MAB21L1: variants seen among roughly 807,000 people sequenced by gnomAD.
MAB21L1 encodes the protein mab-21 like 1.
MAB21L1 carries 8 observed loss-of-function variants against 28.9 expected under a neutral mutation model. That is an observed-to-expected ratio of 0.28 (90% CI 0.16 to 0.50). The LOEUF is 0.50. MAB21L1 is among the 20% of genes least tolerant of loss of function. The probability of loss-of-function intolerance (pLI) is 0.98; values close to 1 mark genes in which losing one functional copy is unlikely to be tolerated. For missense variants in MAB21L1, 388 were observed against 466.5 expected, an observed-to-expected ratio of 0.83 and a Z score of 1.55; for synonymous variants, 219 against 198.2, an observed-to-expected ratio of 1.10 and a Z score of -0.88.
In MAB21L1 at chr13:35,475,176, T is replaced by C. The variant is rs1324798623; in HGVS notation, c.963A>G (p.Leu321=). 2 of 1,613,798 alleles carry C rather than the reference T, an allele frequency of 1.2e-6. No homozygotes were observed. The highest frequency in any genetic ancestry group is 1.3e-5 in the African/African-American group (1 of 74,814). Residue 321 remains leucine (L), a synonymous_variant, in exon 1 of 1, where the codon CTA becomes CTG. Coordinates refer to ENST00000379919, the MANE Select transcript of MAB21L1 (RefSeq NM_005584.5). ...LQCRRCPHYF[L]PNLDLFQGKP... ...TGCCTTGAAACAGATCTAAGTTCGG[T>C]AGAAAGTAGTGGGGACACCGCCGGC...
chr13:35,474,380 C>T lies in MAB21L1; in HGVS notation c.*679G>A, dbSNP rs1427517395. On this transcript the variant is annotated 3_prime_UTR_variant, in exon 1 of 1. Transcript: ENST00000379919. ...AATTTCTTTGAATATATTTAAATAA[C>T]ATTTCAAGTATATTTATGGAATGTT... The T allele has an allele frequency of 6.6e-6, 1 of 152,494 alleles. No individual in the cohort carries two copies. The highest frequency in any genetic ancestry group is 2.4e-5 in the African/African-American group (1 of 41,414). 9.4% of individuals were successfully genotyped at this position (152,494 alleles called of 1,614,324 possible).
rs573111798 is a variant in MAB21L1, at chr13:35,476,432, C to T, written c.-294G>A. Reference sequence around the variant, plus strand: ...CCTCCCCCCTCTGCTTGTCTCTCTTCCTCTTTTAAAGAATCCTTGTGTGAG... The same window carrying T: ...CCTCCCCCCTCTGCTTGTCTCTCTTTCTCTTTTAAAGAATCCTTGTGTGAG... On this transcript the variant is annotated 5_prime_UTR_variant, in exon 1 of 1. Coordinates refer to ENST00000379919, the MANE Select transcript of MAB21L1 (RefSeq NM_005584.5). 1.5e-4 allele frequency: 142 copies of T among 948,808 alleles called. 4 individuals are homozygous for T. In the South Asian group the frequency reaches 1.8e-3, roughly 12 times the overall value. The allele number at this position is 948,808 out of a possible 1,614,324, so 58.8% of individuals were successfully genotyped here.
rs2075848108 is a variant in MAB21L1 at position 35,476,049 on chromosome 13, A to G, written c.90T>C (p.Thr30=). ...AAACTACTTTGCAGACTTCCCGGATAGTTTTGGCAATGGCAGCTTTCCTGG... is the reference window on the plus strand; with the variant it reads ...AAACTACTTTGCAGACTTCCCGGATGGTTTTGGCAATGGCAGCTTTCCTGG... ...CQARKAAIAK[T]IREVCKVVSD... The change falls in exon 1 of 1, where the codon ACT becomes ACC. Residue 30 remains threonine (T), a synonymous_variant. Coordinates refer to ENST00000379919, the MANE Select transcript of MAB21L1 (RefSeq NM_005584.5). 2 of 1,614,144 alleles carry G rather than the reference A, an allele frequency of 1.2e-6. No individual in the cohort carries two copies. Among genetic ancestry groups the G allele is most frequent in the South Asian group, 1.1e-5 (1 of 91,084 alleles).
rs529874201 is a variant in MAB21L1, at chr13:35,473,883, A to AT, written c.*1175dup. On this transcript the variant is annotated 3_prime_UTR_variant, in exon 1 of 1. Transcript: ENST00000379919. ...AGTTCATTTCCTCTGAATTAGTCAG[A>AT]TTTTTAACTCAGTCATCTCTACTGT... Among the ~76,000 whole-genome samples, 16 of 152,132 alleles carry AT rather than the reference A, an allele frequency of 1.1e-4. No homozygotes were observed. The highest frequency in any genetic ancestry group is 2.1e-4 in the Non-Finnish European group (14 of 68,012).
rs577942257 is a variant in MAB21L1, at chr13:35,476,272, C to T, written c.-134G>A. 1.7e-5 allele frequency: 24 copies of T among 1,440,370 alleles called. No homozygotes were observed. In the African/African-American group the frequency reaches 3.1e-4, roughly 19 times the overall value. 89.2% of individuals were successfully genotyped at this position (1,440,370 alleles called of 1,614,324 possible). Reference sequence around the variant, plus strand: ...TCAGAAATGGATCAAAAATGCCTTTCGGAAGTGCTGCAGCGTTGGTTTCCC... The same window carrying T: ...TCAGAAATGGATCAAAAATGCCTTTTGGAAGTGCTGCAGCGTTGGTTTCCC... On this transcript the variant is annotated 5_prime_UTR_variant, in exon 1 of 1. Transcript: ENST00000379919.
In MAB21L1 at chr13:35,475,039, G is replaced by T; in HGVS notation, c.*20C>A. 1 of 1,601,200 alleles carries T rather than the reference G, an allele frequency of 6.2e-7. No individual in the cohort carries two copies. Among genetic ancestry groups the T allele is most frequent in the South Asian group, 1.1e-5 (1 of 89,502 alleles). On this transcript the variant is annotated 3_prime_UTR_variant, in exon 1 of 1. Transcript: ENST00000379919. ...GACTTTGAGAAGGGTAATAATTTCG[G>T]CTCTTGATTAAATCATCCTCTAAAG...
At position 35,474,793 on chromosome 13, in the gene MAB21L1, C is replaced by T. The variant is rs376970342; in HGVS notation, c.*266G>A. 5.7e-5 allele frequency: 24 copies of T among 419,698 alleles called. No individual in the cohort carries two copies. In the East Asian group the frequency reaches 8.7e-4, roughly 15 times the overall value. 26.0% of individuals were successfully genotyped at this position (419,698 alleles called of 1,614,324 possible). A position where few individuals can be genotyped will look rare whatever the true frequency, so the allele number is the denominator to read the frequency against. The stretch of plus-strand genomic sequence containing the variant: ...CAGCTGGGCTGTTTACGGAGTGTTA[C>T]GGTGTACTTTTCAAGGGAGATAGGA... On this transcript the variant is annotated 3_prime_UTR_variant, in exon 1 of 1. Coordinates refer to ENST00000379919, the MANE Select transcript of MAB21L1 (RefSeq NM_005584.5).
chr13:35,475,872 C>T lies in MAB21L1; in HGVS notation c.267G>A (p.Val89=). 6.2e-7 allele frequency: 1 copy of T among 1,614,068 alleles called. No individual in the cohort carries two copies. ...CGCAGCCGGGCAGTGAGCCATCGTCCACGAAGTTGAACACCCCCATTTGGT... is the reference window on the plus strand; with the variant it reads ...CGCAGCCGGGCAGTGAGCCATCGTCTACGAAGTTGAACACCCCCATTTGGT... ...YLNQMGVFNF[V]DDGSLPGCAV... is the part of the protein sequence containing the mutation. The change falls in exon 1 of 1, where the codon GTG becomes GTA. Residue 89 remains valine (V), a synonymous_variant. Coordinates refer to ENST00000379919, the MANE Select transcript of MAB21L1 (RefSeq NM_005584.5).
chr13:35,475,620 G>T lies in MAB21L1; in HGVS notation c.519C>A (p.Ala173=). 6.2e-7 allele frequency: 1 copy of T among 1,613,816 alleles called. No homozygotes were observed. Among genetic ancestry groups the T allele is most frequent in the South Asian group, 1.1e-5 (1 of 91,050 alleles). Residue 173 remains alanine (A), a synonymous_variant, in exon 1 of 1, where the codon GCC becomes GCA. Coordinates refer to ENST00000379919, the MANE Select transcript of MAB21L1 (RefSeq NM_005584.5). ...RDRYVVQITP[A]FKCTGIWPRS... Reference sequence around the variant, plus strand: ...TCGGCCAGATCCCGGTGCATTTAAAGGCCGGCGTGATCTGCACCACGTACC... The same window carrying T: ...TCGGCCAGATCCCGGTGCATTTAAATGCCGGCGTGATCTGCACCACGTACC...
chr13:35,475,849 C>T lies in MAB21L1; in HGVS notation c.290G>A (p.Cys97Tyr), dbSNP rs772732693. 1 of 1,614,086 alleles carries T rather than the reference C, an allele frequency of 6.2e-7. No individual in the cohort carries two copies. The highest frequency in any genetic ancestry group is 8.5e-7 in the Non-Finnish European group (1 of 1,180,036). ...NFVDDGSLPG[C>Y]AVLKLSDGRK... ...CCCGTCGCTCAACTTCAGCACCGCG[C>T]AGCCGGGCAGTGAGCCATCGTCCAC... is the stretch of plus-strand genomic sequence containing the variant. The change falls in exon 1 of 1, where the codon TGC (cysteine) becomes TAC (tyrosine). Residue 97 changes from cysteine (C) to tyrosine (Y), a missense_variant. Transcript: ENST00000379919.
Position 35,475,335 on chromosome 13 carries a change from G to C in MAB21L1, c.804C>G (p.Pro268=), listed in dbSNP as rs761958287. Residue 268 remains proline, a synonymous_variant, in exon 1 of 1, where the codon CCC becomes CCG. Coordinates refer to ENST00000379919, the MANE Select transcript of MAB21L1 (RefSeq NM_005584.5). ...RDRHLELPGQ[P]LNNYHMKTLV... is the part of the protein sequence containing the mutation. ...GAGTCTTCATATGGTAATTGTTCAA[G>C]GGCTGGCCCGGCAGTTCAAGGTGAC... 2.5e-6 allele frequency: 4 copies of C among 1,613,936 alleles called. No homozygotes were observed. The highest frequency in any genetic ancestry group is 3.4e-6 in the Non-Finnish European group (4 of 1,180,038).
At position 35,476,296 on chromosome 13, in the gene MAB21L1, CCTGCTGCTGCTGCTGCTGCTGCTGCTG is replaced by C. The variant is rs56240021; in HGVS notation, c.-185_-159del. 5,381 of 960,794 alleles carry C rather than the reference CCTGCTGCTGCTGCTGCTGCTGCTGCTG, an allele frequency of 5.6e-3. 138 individuals are homozygous for C. Among genetic ancestry groups the C allele is most frequent in the South Asian group, 0.032 (2,294 of 71,962 alleles). The allele number at this position is 960,794 out of a possible 1,614,324, so 59.5% of individuals were successfully genotyped here. A position where few individuals can be genotyped will look rare whatever the true frequency, so the allele number is the denominator to read the frequency against. ...TCGGAAGTGCTGCAGCGTTGGTTTC[CCTGCTGCTGCTGCTGCTGCTGCTGCTG>C]CTGCTGCTGCTGCTGCTGCTGCTGC... On this transcript the variant is annotated 5_prime_UTR_variant, in exon 1 of 1. Transcript: ENST00000379919.
Position 35,476,186 on chromosome 13 carries a change from T to C in MAB21L1, c.-48A>G, listed in dbSNP as rs375842736. On this transcript the variant is annotated 5_prime_UTR_variant, in exon 1 of 1. Coordinates refer to ENST00000379919, the MANE Select transcript of MAB21L1 (RefSeq NM_005584.5). ...TACACCGGAGTCTCGCAGTAAGCTG[T>C]GGGATCCAATGCGGCTGCTAGAGCT... 6.2e-7 allele frequency: 1 copy of C among 1,611,530 alleles called. No individual in the cohort carries two copies. Among genetic ancestry groups the C allele is most frequent in the Non-Finnish European group, 8.5e-7 (1 of 1,178,156 alleles).
rs2075850922 is a variant in MAB21L1 at position 35,476,097 on chromosome 13, T to G, written c.42A>C (p.Lys14Asn). The G allele has an allele frequency of 9.9e-6, 16 of 1,614,230 alleles. No homozygotes were observed. In the East Asian group the frequency reaches 3.6e-4, roughly 36 times the overall value. Reference sequence around the variant, plus strand: ...TGGCTTGGCATTTTTCGTTGTAGTATTTATTCAGATGGTAGACCAGCTTGG... The same window carrying G: ...TGGCTTGGCATTTTTCGTTGTAGTAGTTATTCAGATGGTAGACCAGCTTGG... ...AQAKLVYHLN[K>N]YYNEKCQARK... Residue 14 changes from lysine to asparagine, a missense_variant, in exon 1 of 1, where the codon AAA becomes AAC. Coordinates refer to ENST00000379919, the MANE Select transcript of MAB21L1 (RefSeq NM_005584.5).
Position 35,475,434 on chromosome 13 carries a change from C to T in MAB21L1, c.705G>A (p.Ala235=), listed in dbSNP as rs772560521. Residue 235 remains alanine, a synonymous_variant, in exon 1 of 1, where the codon GCG becomes GCA. Coordinates refer to ENST00000379919, the MANE Select transcript of MAB21L1 (RefSeq NM_005584.5). ...CCATCTGCAGTCTGTTCTCTGCCTC[C>T]GCGAACTGCAGCACCCAGGCGTCGC... is the stretch of plus-strand genomic sequence containing the variant. The part of the protein sequence containing the change: ...AESDAWVLQF[A]EAENRLQMGG... 1.9e-5 allele frequency: 30 copies of T among 1,613,262 alleles called. No homozygotes were observed. In the Admixed American group the frequency reaches 3.2e-4, roughly 17 times the overall value.
rs761222512 is a variant in MAB21L1, at chr13:35,474,194, CACA to C, written c.*862_*864del. 9.2e-5 allele frequency: 14 copies of C among 152,588 alleles called. No homozygotes were observed. Among genetic ancestry groups the C allele is most frequent in the African/African-American group, 2.4e-4 (10 of 41,538 alleles). The allele number at this position is 152,588 out of a possible 1,614,324, so 9.5% of individuals were successfully genotyped here. ...TGATAGGAAACAATTTAAAGTGAGA[CACA>C]ACAACTTTTATTTTACTTCATTTAT... is the stretch of plus-strand genomic sequence containing the variant. On this transcript the variant is annotated 3_prime_UTR_variant, in exon 1 of 1. Coordinates refer to ENST00000379919, the MANE Select transcript of MAB21L1 (RefSeq NM_005584.5).
Position 35,476,376 on chromosome 13 carries a change from G to C in MAB21L1, c.-238C>G. On this transcript the variant is annotated 5_prime_UTR_variant, in exon 1 of 1. Coordinates refer to ENST00000379919, the MANE Select transcript of MAB21L1 (RefSeq NM_005584.5). ...CTGCTTTTCCCTTCCTTTTATCTTT[G>C]AGCCCAGCCGTTCTTAAAGTGAAAG... The C allele has an allele frequency of 5.2e-6, 6 of 1,149,512 alleles. 1 individual carries two copies. Among genetic ancestry groups the C allele is most frequent in the Non-Finnish European group, 6.3e-6 (5 of 788,976 alleles). The allele number at this position is 1,149,512 out of a possible 1,614,324, so 71.2% of individuals were successfully genotyped here.
Position 35,475,357 on chromosome 13 carries a change from T to C in MAB21L1, c.782A>G (p.His261Arg). The change falls in exon 1 of 1, where the codon CAC becomes CGC. Residue 261 changes from histidine to arginine, a missense_variant. Around this residue, in one of 3 missense-constraint regions of MAB21L1, gnomAD observed 218 missense variants for 220.6 expected, o/e 0.99. Coordinates refer to ENST00000379919, the MANE Select transcript of MAB21L1 (RefSeq NM_005584.5). ...CAAGGGCTGGCCCGGCAGTTCAAGG[T>C]GACGATCCCTTAAGGTTTTGAGGAT... ...LSILKTLRDRHLELPGQPLNN... is the reference protein window; with the variant it reads ...LSILKTLRDRRLELPGQPLNN... The C allele has an allele frequency of 6.2e-7, 1 of 1,613,920 alleles. No homozygotes were observed. The highest frequency in any genetic ancestry group is 8.5e-7 in the Non-Finnish European group (1 of 1,179,982).
In MAB21L1 at chr13:35,474,302, T is replaced by G. The variant is rs1274301178; in HGVS notation, c.*757A>C. ...AATTATCCAGTGTATTTCAAGTGCATTTTTCAAATATATAATTCAGATATT... is the reference window on the plus strand; with the variant it reads ...AATTATCCAGTGTATTTCAAGTGCAGTTTTCAAATATATAATTCAGATATT... On this transcript the variant is annotated 3_prime_UTR_variant, in exon 1 of 1. Transcript: ENST00000379919. The G allele has an allele frequency of 2.0e-5, 3 of 152,640 alleles. No individual in the cohort carries two copies. In the East Asian group the frequency reaches 5.8e-4, roughly 29 times the overall value. 9.5% of individuals were successfully genotyped at this position (152,640 alleles called of 1,614,324 possible).
Sources: gnomAD v4.1 joint callset for allele counts (sites outside exome capture counted in the v4.1 genomes callset) on GRCh38, gnomAD v4.1.1 for gene constraint, gnomAD v4.1.1 regional missense constraint, MANE v1.5 for transcripts, NCBI Gene and HGNC (gene_info 2026-07-23, HGNC 2026-07-21) for gene names.